Variants in SETX observed in about 807,000 individuals in gnomAD.
SETX encodes the protein senataxin.
A neutral mutation model predicts 227.2 loss-of-function variants in SETX; 90 were observed. The ratio of observed to expected loss-of-function variants is 0.40; its 90% CI spans 0.33 to 0.47. The LOEUF (loss-of-function observed/expected upper bound fraction) is 0.47. SETX is among the 20% of genes least tolerant of loss of function. The pLI is 0.91. For synonymous variants in SETX, 1,210 were observed against 1,113.2 expected, an observed-to-expected ratio of 1.09 and a Z score of -1.73; for missense variants, 3,052 against 3,181.5, an observed-to-expected ratio of 0.96 and a Z score of 0.98.
At chr9:132,278,335 G>A (rs2041971534) in intron 20 of SETX, 78 bp from the exon 21 acceptor site, 6 of 1,370,384 alleles carry the variant, frequency 4.4e-6, no homozygotes, top group Non-Finnish European at 6.2e-6. Context: ...CAATTACTGA[G>A]ATCTAATACG....
Position 132,281,533 on chromosome 9 carries a change from G to A in SETX, c.6588C>T (p.Ile2196=). The change falls in exon 20 of 26, where the codon ATC becomes ATT. Residue 2196 remains isoleucine (I), a synonymous_variant. Transcript: ENST00000224140. ...CTAGGATGAGCTTATTGCAGCGATG[G>A]ATGAGTGGAGTAAGAGTCTCAATTT... ...SCEIETLTPL[I]HRCNKLILVG... 6.2e-7 allele frequency: 1 copy of A among 1,614,028 alleles called. No homozygotes were observed. Among genetic ancestry groups the A allele is most frequent in the South Asian group, 1.1e-5 (1 of 91,072 alleles).
Position 132,327,019 on chromosome 9 carries a change from C to A in SETX, c.4579G>T (p.Asp1527Tyr). 2 of 1,614,188 alleles carry A rather than the reference C, an allele frequency of 1.2e-6. No individual in the cohort carries two copies. The highest frequency in any genetic ancestry group is 1.7e-6 in the Non-Finnish European group (2 of 1,180,038). The change falls in exon 10 of 26, where the codon GAT becomes TAT. Residue 1527 changes from aspartate (D) to tyrosine (Y), a missense_variant. Asp to Tyr is a radical substitution (Grantham distance 160). Coordinates refer to ENST00000224140, the MANE Select transcript of SETX (RefSeq NM_015046.7). ...YKLIELIHGK[D>Y]TVEVEEDSVS... ...GAATCTTCTTCAACCTCAACTGTAT[C>A]TTTTCCATGAATTAGTTCAATGAGT...
At chr9:132,307,735 G>C (rs1189907186) in intron 11 of SETX, among the ~76,000 whole-genome samples, 2 of 149,430 alleles carry the variant, frequency 1.3e-5, no homozygotes, top group African/African-American at 5.0e-5. Context: ...CTGGAGTGCA[G>C]TGGCACGATC....
chr9:132,321,737 A>T (rs1166308), intron 10 of SETX, among the ~76,000 whole-genome samples: 1 of 147,164 alleles, frequency 6.8e-6, no homozygotes, highest in African/African-American at 2.5e-5. Context: ...AGTCCCAGCT[A>T]CTCAGGAGGC....
At chr9:132,303,696 T>C (rs1313097374) in intron 11 of SETX, among the ~76,000 whole-genome samples, 1 of 152,056 alleles carries the variant, frequency 6.6e-6, no homozygotes, top group Non-Finnish European at 1.5e-5. Flanking sequence ...CAACTAAAAA[T>C]GGAAGATACA....
At chr9:132,304,386 G>C (rs923185193) in intron 11 of SETX, among the ~76,000 whole-genome samples, 4 of 151,906 alleles carry the variant, frequency 2.6e-5, no homozygotes, top group African/African-American at 9.7e-5. Flanking sequence ...CTCAAAAGTG[G>C]AACAAACTCT....
chr9:132,338,913 A>C (rs1847798176), intron 5 of SETX, among the ~76,000 whole-genome samples: 2 of 152,058 alleles, frequency 1.3e-5, no homozygotes. Context: ...GTGCAACGTT[A>C]TGCCAAGCTA....
rs1208136830 is a variant in SETX, at chr9:132,346,380, A to G, written c.269T>C (p.Val90Ala). ...EIGDDDELYI[V>A]DNNGEMPLFD... is the part of the protein sequence containing the mutation. ...CAGTGGCATCTCTCCATTATTGTCT[A>G]CTATATATAACTCATCATCATCTCC... The change falls in exon 4 of 26, where the codon GTA becomes GCA. Residue 90 changes from valine to alanine, a missense_variant. By Grantham distance (64) the Val-to-Ala change is moderately conservative. Transcript: ENST00000224140. The G allele has an allele frequency of 6.2e-7, 1 of 1,613,668 alleles. No homozygotes were observed.
At position 132,328,173 on chromosome 9, in the gene SETX, G is replaced by T; in HGVS notation, c.3425C>A (p.Thr1142Lys). The change falls in exon 10 of 26, where the codon ACA becomes AAA. Residue 1142 changes from threonine (T) to lysine (K), a missense_variant. Transcript: ENST00000224140. Reference protein sequence around the residue: ...KKGAEGIEEHTRPRSISVEEF... With the variant: ...KKGAEGIEEHKRPRSISVEEF... ...TTCAACAGAAATACTCCGTGGTCTT[G>T]TGTGTTCTTCAATGCCCTCTGCTCC... 6.2e-7 allele frequency: 1 copy of T among 1,614,130 alleles called. No individual in the cohort carries two copies. The highest frequency in any genetic ancestry group is 8.5e-7 in the Non-Finnish European group (1 of 1,180,030).
intron 7 of SETX, among the ~76,000 whole-genome samples, chr9:132,333,931 A>G (rs1214190503): frequency 6.6e-6 from 1 of 152,154 alleles, no homozygotes; most frequent in Non-Finnish European, 1.5e-5. Context: ...TTTAATAATC[A>G]CATGTGGCTG....
rs1399551578 is a variant in SETX, at chr9:132,298,090, G to C, written c.5771C>G (p.Ser1924Cys). 1 of 1,611,936 alleles carries C rather than the reference G, an allele frequency of 6.2e-7. No individual in the cohort carries two copies. Residue 1924 changes from serine to cysteine, a missense_variant, in exon 13 of 26, where the codon TCT becomes TGT. Around this residue, in one of 10 missense-constraint regions of SETX, gnomAD observed 239 missense variants for 272.1 expected, o/e 0.88. Transcript: ENST00000224140. Reference protein sequence around the residue: ...FCTKDLLTTTSERIIAYLRDF... With the variant: ...FCTKDLLTTTCERIIAYLRDF... ...TACATCATCACTCACAATTCTCTCA[G>C]ATGTTGTAGTCAGTAAATCTTTTGT... is the stretch of plus-strand genomic sequence containing the variant.
At position 132,264,750 on chromosome 9, in the gene SETX, A is replaced by G. The variant is rs2131113750; in HGVS notation, c.7523T>C (p.Leu2508Pro). The change falls in exon 26 of 26, where the codon CTA becomes CCA. Residue 2508 changes from leucine (L) to proline (P), a missense_variant. Physicochemically the swap from Leu to Pro is moderately conservative, Grantham distance 98. Transcript: ENST00000224140. Reference protein sequence around the residue: ...GFAKTSVAASLYHTPSDSKEI... With the variant: ...GFAKTSVAASPYHTPSDSKEI... ...CTTGGAGTCAGAGGGTGTGTGGTAT[A>G]GAGAAGCAGCAACAGATGTCTTGGC... is the stretch of plus-strand genomic sequence containing the variant. 1 of 1,614,226 alleles carries G rather than the reference A, an allele frequency of 6.2e-7. No homozygotes were observed. Among genetic ancestry groups the G allele is most frequent in the Non-Finnish European group, 8.5e-7 (1 of 1,180,034 alleles).
At chr9:132,305,367 A>C (rs1845272154) in intron 11 of SETX, among the ~76,000 whole-genome samples, 2 of 151,642 alleles carry the variant, frequency 1.3e-5, no homozygotes, top group South Asian at 4.2e-4. Context: ...AAAAAAAAAA[A>C]AAAACTATTT....
chr9:132,327,969 G>A lies in SETX; in HGVS notation c.3629C>T (p.Ser1210Leu). ...SIDRRTSTPN[S>L]RIQRATTVSQ... Reference sequence around the variant, plus strand: ...AACCGTAGTGGCTCTCTGAATACGTGAATTGGGAGTTGAAGTCCTTCTATC... The same window carrying A: ...AACCGTAGTGGCTCTCTGAATACGTAAATTGGGAGTTGAAGTCCTTCTATC... The change falls in exon 10 of 26, where the codon TCA (serine) becomes TTA (leucine). Residue 1210 changes from serine to leucine, a missense_variant. Physicochemically the swap from Ser to Leu is moderately radical, Grantham distance 145. Transcript: ENST00000224140. The A allele has an allele frequency of 1.2e-6, 2 of 1,613,936 alleles. No individual in the cohort carries two copies. The highest frequency in any genetic ancestry group is 1.1e-5 in the South Asian group (1 of 91,042).
rs11545230 is a variant in SETX, at chr9:132,263,985, G to A, written c.*254C>T. ...CAGTCTGACCTCCTTGTCTATAGAA[G>A]ACTAAGAGATCAACATTTCCAGTCT... is the stretch of plus-strand genomic sequence containing the variant. On this transcript the variant is annotated 3_prime_UTR_variant, in exon 26 of 26. Coordinates refer to ENST00000224140, the MANE Select transcript of SETX (RefSeq NM_015046.7). 3.1e-3 allele frequency: 1,723 copies of A among 553,904 alleles called. 10 individuals are homozygous for A. Among genetic ancestry groups the A allele is most frequent in the Middle Eastern group, 4.4e-3 (9 of 2,054 alleles). The allele number at this position is 553,904 out of a possible 1,614,324, so 34.3% of individuals were successfully genotyped here. A position where few individuals can be genotyped will look rare whatever the true frequency, so the allele number is the denominator to read the frequency against.
In SETX at chr9:132,263,953, T is replaced by G. The variant is rs1842504127; in HGVS notation, c.*286A>C. On this transcript the variant is annotated 3_prime_UTR_variant, in exon 26 of 26. Transcript: ENST00000224140. ...AATATACATTTCAACTTTTACAACA[T>G]TCACTCCAGTCTGACCTCCTTGTCT... 2.1e-6 allele frequency: 1 copy of G among 468,336 alleles called. No homozygotes were observed. Among genetic ancestry groups the G allele is most frequent in the South Asian group, 2.6e-5 (1 of 38,056 alleles). The allele number at this position is 468,336 out of a possible 1,614,324, so 29.0% of individuals were successfully genotyped here. A position where few individuals can be genotyped will look rare whatever the true frequency, so the allele number is the denominator to read the frequency against.
intron 23 of SETX, among the ~76,000 whole-genome samples, chr9:132,274,218 T>A (rs1843037503): frequency 6.6e-6 from 1 of 152,138 alleles, no homozygotes; most frequent in Middle Eastern, 3.2e-3. Context: ...TCATAAAGGA[T>A]TTGGATCTGT....
chr9:132,328,888 T>C lies in SETX; in HGVS notation c.2710A>G (p.Asn904Asp), dbSNP rs1368869561. The C allele has an allele frequency of 1.2e-6, 2 of 1,613,918 alleles. No homozygotes were observed. The highest frequency in any genetic ancestry group is 2.7e-5 in the African/African-American group (2 of 74,952). The change falls in exon 10 of 26, where the codon AAT becomes GAT. Residue 904 changes from asparagine (N) to aspartate (D), a missense_variant. Physicochemically the swap from Asn to Asp is conservative, Grantham distance 23. Transcript: ENST00000224140. ...GGAGATGATTTCTTCTCTGAAGCATTGGTCATTTCTGTAAAAGGGATCAAT... is the reference window on the plus strand; with the variant it reads ...GGAGATGATTTCTTCTCTGAAGCATCGGTCATTTCTGTAAAAGGGATCAAT... ...KELIPFTEMT[N>D]ASEKKSSPFK...
At chr9:132,286,265 A>T (rs1012417328) in intron 18 of SETX, among the ~76,000 whole-genome samples, 158 bp downstream of exon 18, 2 of 151,442 alleles carry the variant, frequency 1.3e-5, no homozygotes, top group Non-Finnish European at 2.9e-5. Context: ...GGTTGCAGTG[A>T]GCTGAGATCA....
Sources: allele counts gnomAD v4.1 joint callset (sites outside exome capture counted in the v4.1 genomes callset), GRCh38; gene constraint gnomAD v4.1.1; regional missense constraint gnomAD v4.1.1; transcripts MANE v1.5; gene names NCBI Gene and HGNC (gene_info 2026-07-23, HGNC 2026-07-21).